The following CD8B2 variants were observed in gnomAD, a reference collection of about 807,000 sequenced individuals.
The protein encoded by CD8B2 is T-cell surface glycoprotein CD8 beta-2 chain.
Under a neutral mutation model 23.7 loss-of-function variants are expected in CD8B2, and 11 were observed. That is an observed-to-expected ratio of 0.46 (90% CI 0.29 to 0.77). CD8B2 has a LOEUF of 0.77. Among genes scored for constraint, CD8B2 ranks in the 30% least tolerant of loss-of-function variants. CD8B2 has a pLI of 0.09. For synonymous variants in CD8B2, 90 were observed against 109.3 expected (o/e 0.82, Z 1.10); for missense variants, 197 against 270.5 (o/e 0.73, Z 1.91).
chr2:106,530,530 T>C (rs1017818710), intron 5 of CD8B2, among the ~76,000 whole-genome samples: 26 of 151,778 alleles, frequency 1.7e-4, no homozygotes, highest in African/African-American at 6.0e-4. Context: ...AGGCGCCCGC[T>C]ACCACGCCAG....
intron 5 of CD8B2, among the ~76,000 whole-genome samples, chr2:106,529,233 T>C (rs1229617000): frequency 2.0e-5 from 3 of 152,198 alleles, no homozygotes; most frequent in Admixed American, 6.5e-5. Flanking sequence ...GTAAATTTAA[T>C]AGAAGTGGCC....
At chr2:106,529,553 T>C (rs901130000) in intron 5 of CD8B2, among the ~76,000 whole-genome samples, 4 of 152,234 alleles carry the variant, frequency 2.6e-5, no homozygotes, top group Non-Finnish European at 4.4e-5. Context: ...CCACCTGCCC[T>C]GGAAATTCTA....
rs1679188697 is a variant in CD8B2 at position 106,491,155 on chromosome 2, G to A, written c.325G>A (p.Glu109Lys). ...TCTCAATCTCACAAGCGTGAAGCCG[G>A]AGGACAGTGGCATCTACTTCTGCAT... ...FILNLTSVKP[E>K]DSGIYFCMIV... The change falls in exon 2 of 6, where the codon GAG becomes AAG. Residue 109 changes from glutamate (E) to lysine (K), a missense_variant. Transcript: ENST00000643224. 3.1e-6 allele frequency: 5 copies of A among 1,613,876 alleles called. No homozygotes were observed. The South Asian group carries it at 5.5e-5, about 18-fold the overall frequency.
At chr2:106,513,381 C>G (rs1243806853), downstream of CD8B2, among the ~76,000 whole-genome samples, 1 of 152,136 alleles carries the variant, frequency 6.6e-6, no homozygotes, top group African/African-American at 2.4e-5. Flanking sequence ...GCCTCACTGG[C>G]TGCAGCCTCG....
chr2:106,511,297 G>A (rs1313552559), downstream of CD8B2, among the ~76,000 whole-genome samples: 1 of 152,188 alleles, frequency 6.6e-6, no homozygotes, highest in Non-Finnish European at 1.5e-5. Context: ...TTCACATGGG[G>A]CTGGGCTCGT....
chr2:106,493,430 A>G (rs1679233037), intron 2 of CD8B2, among the ~76,000 whole-genome samples: 1 of 152,230 alleles, frequency 6.6e-6, no homozygotes, highest in Non-Finnish European at 1.5e-5. Context: ...CCCTAGACCC[A>G]GGCGGCGGTG....
At chr2:106,491,419 T>A (rs575364437) in intron 2 of CD8B2, among the ~76,000 whole-genome samples, 186 bp downstream of exon 2, 1 of 152,348 alleles carries the variant, frequency 6.6e-6, no homozygotes, top group Non-Finnish European at 1.5e-5. Flanking sequence ...TTTACATAGT[T>A]AGCTTCCTTA....
chr2:106,515,080 C>A (rs529542509), downstream of CD8B2, among the ~76,000 whole-genome samples: 1 of 152,200 alleles, frequency 6.6e-6, no homozygotes, highest in Non-Finnish European at 1.5e-5. Flanking sequence ...AATCTCCTTT[C>A]GCAACACTCT....
rs1679296082 is a variant in CD8B2 at position 106,496,197 on chromosome 2, A to G, written c.428A>G (p.Gln143Arg). The change falls in exon 3 of 6, where the codon CAG becomes CGG. Residue 143 changes from glutamine (Q) to arginine (R), a missense_variant. By Grantham distance (43) the Gln-to-Arg change is conservative (BLOSUM62 1). Around this residue, in one of 3 missense-constraint regions of CD8B2, gnomAD observed 35 missense variants for 82.9 expected, o/e 0.42. Transcript: ENST00000643224. ...GTTGATTTCCTTCCCACCACTGCCC[A>G]GCCCACCAAGAAGTCCACCCTCAAG... ...SVVDFLPTTA[Q>R]PTKKSTLKKR... 7.8e-6 allele frequency: 12 copies of G among 1,544,922 alleles called. No homozygotes were observed. The South Asian group carries it at 1.4e-4, about 18-fold the overall frequency.
At chr2:106,500,431 A>C (rs1679382744) in intron 3 of CD8B2, among the ~76,000 whole-genome samples, 1 of 150,404 alleles carries the variant, frequency 6.6e-6, no homozygotes, top group Middle Eastern at 3.4e-3. Context: ...AGAAAGGAGA[A>C]TCGCTTGAAC....
chr2:106,521,024 GA>G (rs1417473818), intron 5 of CD8B2, among the ~76,000 whole-genome samples: 5 of 324 alleles, frequency 0.015, no homozygotes, highest in Non-Finnish European at 0.065. Flanking sequence ...TGTTTTAAGG[GA>G]GAGAGAGAGA....
chr2:106,504,393 C>A lies in CD8B2; in HGVS notation c.620+68C>A. ...TGCTGCAGCTTGCAGCCTCTAACTG[C>A]GGCGAGGAGCCAAAGTCAGACCTCA... On this transcript the variant is annotated intron_variant, in intron 5 of 5. Transcript: ENST00000643224. 4 of 1,551,812 alleles carry A rather than the reference C, an allele frequency of 2.6e-6. No homozygotes were observed. The South Asian group carries it at 4.8e-5, about 18-fold the overall frequency.
At chr2:106,491,268 G>A (rs1036632409) in intron 2 of CD8B2, 35 bp downstream of exon 2, 12 of 1,470,290 alleles carry the variant, frequency 8.2e-6, no homozygotes, top group African/African-American at 6.9e-5. Context: ...AGTGAGCACC[G>A]ACTGTGTGCC....
intron 5 of CD8B2, among the ~76,000 whole-genome samples, chr2:106,535,584 T>C (rs757560229): frequency 3.3e-5 from 5 of 152,138 alleles, no homozygotes; most frequent in African/African-American, 4.8e-5. Flanking sequence ...CGTAATACAA[T>C]TTTAAAAATT....
Position 106,507,013 on chromosome 2 carries a change from G to C in CD8B2, c.*73G>C. On this transcript the variant is annotated 3_prime_UTR_variant, in exon 6 of 6. Transcript: ENST00000643224. Reference sequence around the variant, plus strand: ...TAACGAGCACGATGTGGAAAAATGAGAGAAGGGACACATTCAACCCTGGAG... The same window carrying C: ...TAACGAGCACGATGTGGAAAAATGACAGAAGGGACACATTCAACCCTGGAG... 2 of 1,529,044 alleles carry C rather than the reference G, an allele frequency of 1.3e-6. No individual in the cohort carries two copies. Among genetic ancestry groups the C allele is most frequent in the Non-Finnish European group, 1.8e-6 (2 of 1,137,398 alleles). 94.7% of individuals were successfully genotyped at this position (1,529,044 alleles called of 1,614,324 possible).
chr2:106,500,702 A>G (rs1040758670), intron 3 of CD8B2, among the ~76,000 whole-genome samples: 2 of 152,134 alleles, frequency 1.3e-5, no homozygotes, highest in Non-Finnish European at 2.9e-5. Flanking sequence ...CCTCGAGCCC[A>G]AATCTGCAGC....
At position 106,496,155 on chromosome 2, in the gene CD8B2, C is replaced by T. The variant is rs535584104; in HGVS notation, c.404-18C>T. 8.7e-5 allele frequency: 134 copies of T among 1,543,922 alleles called. No individual in the cohort carries two copies. The highest frequency in any genetic ancestry group is 2.0e-4 in the Admixed American group (10 of 50,196). On this transcript the variant is annotated intron_variant, in intron 2 of 5. Coordinates refer to ENST00000643224, the MANE Select transcript of CD8B2 (RefSeq NM_001349727.2). ...GTGTTCACTTGGCTAAGATATGTGT[C>T]TTGCTTTCTTTCTGTAGTTGATTTC...
At chr2:106,531,739 T>C (rs1007256194) in intron 5 of CD8B2, among the ~76,000 whole-genome samples, 1 of 152,166 alleles carries the variant, frequency 6.6e-6, no homozygotes, top group African/African-American at 2.4e-5. Context: ...TCCAGTCCAG[T>C]GAGAACAGCC....
Position 106,502,603 on chromosome 2 carries a change from G to T in CD8B2, c.583+40G>T. ...CTTGGGTTGTTGGGTGTCCCTGTTT[G>T]CTGTTTGAAGTGTCCCTGGGATACT... On this transcript the variant is annotated intron_variant, in intron 4 of 5. Transcript: ENST00000643224. 2 of 1,110,282 alleles carry T rather than the reference G, an allele frequency of 1.8e-6. 1 individual carries two copies. Among genetic ancestry groups the T allele is most frequent in the South Asian group, 2.9e-5 (2 of 69,096 alleles). The allele number at this position is 1,110,282 out of a possible 1,614,324, so 68.8% of individuals were successfully genotyped here.
Sources: gnomAD v4.1 joint callset for allele counts (sites outside exome capture counted in the v4.1 genomes callset) on GRCh38, gnomAD v4.1.1 for gene constraint, gnomAD v4.1.1 regional missense constraint, MANE v1.5 for transcripts, NCBI Gene and HGNC (gene_info 2026-07-23, HGNC 2026-07-21) for gene names.